Variants in LDAH observed in about 807,000 individuals in gnomAD.
LDAH encodes lipid droplet associated hydrolase.
In LDAH, 26 loss-of-function variants were observed where a neutral mutation model predicts 29.6. The observed-to-expected ratio is 0.88, with a 90% CI of 0.64 to 1.22. The LOEUF is 1.22. Ranked by LOEUF, LDAH falls within the 50% of genes most tolerant of loss-of-function variation. The probability of loss-of-function intolerance (pLI) is 0.00; values close to 1 mark genes in which losing one functional copy is unlikely to be tolerated. For missense variants in LDAH, 344 were observed against 387.3 expected (o/e 0.89, Z 0.94); for synonymous variants, 117 against 133.0 (o/e 0.88, Z 0.83).
intron 1 of LDAH, among the ~76,000 whole-genome samples, chr2:20,819,887 C>G (rs1290505549): frequency 3.9e-5 from 6 of 152,196 alleles, no homozygotes; most frequent in Non-Finnish European, 7.3e-5. Flanking sequence ...CCCAAAATCT[C>G]CTTAAGCTGA....
At chr2:20,733,013 T>G (rs1373353338) in intron 5 of LDAH, among the ~76,000 whole-genome samples, 4 of 152,064 alleles carry the variant, frequency 2.6e-5, no homozygotes, top group Non-Finnish European at 4.4e-5. Flanking sequence ...CTAATTTCTA[T>G]TCTTGTTATT....
At chr2:20,764,767 T>C (rs1186374188) in intron 4 of LDAH, among the ~76,000 whole-genome samples, 1 of 152,226 alleles carries the variant, frequency 6.6e-6, no homozygotes, top group Non-Finnish European at 1.5e-5. Context: ...CTAACTCACC[T>C]AGAAAACAGG....
At chr2:20,688,828 C>CTTTTTTTTTTTTTTTTTTTTTTTTTTTT (rs57543886) in intron 6 of LDAH, among the ~76,000 whole-genome samples, 1 of 112,020 alleles carries the variant, frequency 8.9e-6, no homozygotes. Context: ...TGGAGGTTTC[C>CTTTTTTTTTTTTTTTTTTTTTTTTTTTT]TTTTTTTTTT....
chr2:20,821,472 T>G lies in LDAH; in HGVS notation c.-3+1565A>C, dbSNP rs546924271. Among the ~76,000 whole-genome samples the G allele has an allele frequency of 3.8e-3, 579 of 152,246 alleles. 4 individuals carry two copies. Among genetic ancestry groups the G allele is most frequent in the Non-Finnish European group, 4.7e-3 (322 of 68,018 alleles). On this transcript the variant is annotated intron_variant, in intron 1 of 6. Coordinates refer to ENST00000237822, the MANE Select transcript of LDAH (RefSeq NM_021925.4). The stretch of plus-strand genomic sequence containing the variant: ...TGAGTTCATGTCCTTTGTAGGGACA[T>G]GGATGAAGCTGGAAACCATCATTCT...
chr2:20,725,163 T>C (rs1183377460), intron 5 of LDAH, among the ~76,000 whole-genome samples: 2 of 152,168 alleles, frequency 1.3e-5, no homozygotes, highest in Non-Finnish European at 2.9e-5. Flanking sequence ...TTTCTTAAAG[T>C]ACTCATGAAA....
rs1340433488 is a variant in LDAH at position 20,801,436 on chromosome 2, G to A, written c.28C>T (p.Pro10Ser). The A allele has an allele frequency of 1.9e-5, 31 of 1,614,066 alleles. No homozygotes were observed. The highest frequency in any genetic ancestry group is 2.6e-5 in the Non-Finnish European group (31 of 1,179,960). The change falls in exon 2 of 7, where the codon CCT becomes TCT. Residue 10 changes from proline to serine, a missense_variant. Coordinates refer to ENST00000237822, the MANE Select transcript of LDAH (RefSeq NM_021925.4). ...CACAAAATGAATTCCTCATGCACAG[G>A]AATTTCTTCCTTGAGTTCTGAGTCC... MDSELKEEIPVHEEFILCGG... is the reference protein window; with the variant it reads MDSELKEEISVHEEFILCGG...
At chr2:20,744,862 T>C (rs1260574122) in intron 4 of LDAH, among the ~76,000 whole-genome samples, 1 of 152,162 alleles carries the variant, frequency 6.6e-6, no homozygotes, top group Non-Finnish European at 1.5e-5. Flanking sequence ...AGCTCAGGTT[T>C]TTCTACCATG....
chr2:20,781,769 A>G (rs1360952196), intron 3 of LDAH, among the ~76,000 whole-genome samples: 4 of 152,334 alleles, frequency 2.6e-5, no homozygotes, highest in East Asian at 1.9e-4. Context: ...TAGGTTGTCA[A>G]TAAGTCCTTG....
At chr2:20,758,905 A>G (rs866166343) in intron 4 of LDAH, among the ~76,000 whole-genome samples, 1 of 152,248 alleles carries the variant, frequency 6.6e-6, no homozygotes, top group Admixed American at 6.5e-5. Context: ...CAAGGGCCTT[A>G]AGGAGAACCC....
intron 6 of LDAH, among the ~76,000 whole-genome samples, chr2:20,692,033 A>G (rs1475847428): frequency 1.3e-5 from 2 of 152,092 alleles, no homozygotes; most frequent in Non-Finnish European, 2.9e-5. Flanking sequence ...TGGGGGGTCT[A>G]CAAACAGCAC....
intron 6 of LDAH, among the ~76,000 whole-genome samples, chr2:20,692,195 G>C (rs16987991): frequency 6.6e-6 from 1 of 152,176 alleles, no homozygotes; most frequent in African/African-American, 2.4e-5. Context: ...CAGACTAGGC[G>C]AGAGAACAGA....
At chr2:20,796,654 C>A (rs910221667) in intron 2 of LDAH, among the ~76,000 whole-genome samples, 3 of 152,170 alleles carry the variant, frequency 2.0e-5, no homozygotes, top group Non-Finnish European at 4.4e-5. Context: ...ATCAGATATG[C>A]GTATCACAGT....
intron 1 of LDAH, among the ~76,000 whole-genome samples, chr2:20,813,779 C>T (rs1478148420): frequency 6.6e-6 from 1 of 152,110 alleles, no homozygotes; most frequent in African/African-American, 2.4e-5. Flanking sequence ...TATAAAATAC[C>T]TTACTCTTTA....
At chr2:20,767,430 C>G (rs1368178634) in intron 4 of LDAH, among the ~76,000 whole-genome samples, 1 of 152,230 alleles carries the variant, frequency 6.6e-6, no homozygotes, top group African/African-American at 2.4e-5. Context: ...GGTGTGCACA[C>G]ACTTGAGGAG....
chr2:20,715,284 T>C (rs558296545), intron 5 of LDAH, among the ~76,000 whole-genome samples: 1 of 152,230 alleles, frequency 6.6e-6, no homozygotes, highest in African/African-American at 2.4e-5. Flanking sequence ...AAAAACCACA[T>C]GATTATCTCA....
At chr2:20,778,922 C>CATATATATAT (rs58528359) in intron 3 of LDAH, among the ~76,000 whole-genome samples, 2 of 147,898 alleles carry the variant, frequency 1.4e-5, no homozygotes, top group African/African-American at 5.0e-5. Flanking sequence ...AACTGCCATT[C>CATATATATAT]ATATATATAT....
chr2:20,747,403 A>T (rs879645425), intron 4 of LDAH, among the ~76,000 whole-genome samples: 1 of 152,162 alleles, frequency 6.6e-6, no homozygotes, highest in Admixed American at 6.6e-5. Flanking sequence ...AAACAAAAAA[A>T]TAGCACACAG....
In LDAH at chr2:20,802,736, C is replaced by A. The variant is rs369832499; in HGVS notation, c.-2-1271G>T. On this transcript the variant is annotated intron_variant, in intron 1 of 6. Transcript: ENST00000237822. ...CCCCTACGCTTTTCTGCTTCTATAA[C>A]TTTGCTCATATTTAATTCTCCAACC... is the stretch of plus-strand genomic sequence containing the variant. 1.2e-4 allele frequency among the ~76,000 whole-genome samples: 19 copies of A among 152,318 alleles called. No individual in the cohort carries two copies. The East Asian group carries it at 1.5e-3, about 12-fold the overall frequency.
At chr2:20,814,321 A>G (rs1400343891) in intron 1 of LDAH, among the ~76,000 whole-genome samples, 1 of 151,952 alleles carries the variant, frequency 6.6e-6, no homozygotes, top group Admixed American at 6.6e-5. Flanking sequence ...CCTAAATCTC[A>G]AGTATGGCCA....
Sources: allele counts gnomAD v4.1 joint callset (sites outside exome capture counted in the v4.1 genomes callset), GRCh38; gene constraint gnomAD v4.1.1; transcripts MANE v1.5; gene names NCBI Gene and HGNC (gene_info 2026-07-23, HGNC 2026-07-21).